The following LARGE1 variants were observed in gnomAD, a reference collection of about 807,000 sequenced individuals.
LARGE1 encodes LARGE xylosyl- and glucuronyltransferase 1.
A neutral mutation model predicts 87.6 loss-of-function variants in LARGE1; 43 were observed. The observed-to-expected ratio is 0.49, with a 90% CI of 0.38 to 0.63. The LOEUF (loss-of-function observed/expected upper bound fraction) is 0.63. LARGE1 is among the 30% of genes least tolerant of loss of function. The pLI is 0.00. For synonymous variants in LARGE1, 434 were observed against 394.6 expected (o/e 1.10, Z -1.18); for missense variants, 802 against 1,000.2 (o/e 0.80, Z 2.67).
intron 7 of LARGE1, among the ~76,000 whole-genome samples, chr22:33,405,393 T>C (rs2267199): frequency 0.096 from 14,610 of 152,234 alleles, 811 homozygotes; most frequent in Admixed American, 0.2. Flanking sequence ...TCTGGCCAAG[T>C]GTGTGGCTGG....
chr22:33,185,390 A>C (rs888151763), intron 11 of LARGE1, among the ~76,000 whole-genome samples: 1 of 152,174 alleles, frequency 6.6e-6, no homozygotes, highest in Non-Finnish European at 1.5e-5. Context: ...GTGTTTGCCA[A>C]GGATTAAGGT....
At chr22:33,688,589 C>A (rs2082008875) in intron 2 of LARGE1, among the ~76,000 whole-genome samples, 2 of 152,088 alleles carry the variant, frequency 1.3e-5, no homozygotes, top group South Asian at 2.1e-4. Context: ...AACCTCAGGT[C>A]ATCTGCCTGC....
chr22:33,636,405 T>G (rs369612076), intron 3 of LARGE1, among the ~76,000 whole-genome samples: 2 of 152,212 alleles, frequency 1.3e-5, no homozygotes, highest in African/African-American at 4.8e-5. Context: ...TTCTTGTTTT[T>G]AGAATGTGCC....
At chr22:33,714,748 A>T (rs2082860925) in intron 2 of LARGE1, among the ~76,000 whole-genome samples, 1 of 152,120 alleles carries the variant, frequency 6.6e-6, no homozygotes. Flanking sequence ...AAGAACAGCA[A>T]CCACACGCAG....
chr22:33,510,776 A>G (rs959377244), intron 6 of LARGE1, among the ~76,000 whole-genome samples: 2 of 152,132 alleles, frequency 1.3e-5, no homozygotes, highest in African/African-American at 4.8e-5. Context: ...TTGTTGAGAC[A>G]GAGTTTCACT....
chr22:33,782,668 C>T (rs1412675345), intron 1 of LARGE1, among the ~76,000 whole-genome samples: 1 of 151,960 alleles, frequency 6.6e-6, no homozygotes, highest in Non-Finnish European at 1.5e-5. Context: ...AGATCAAGAC[C>T]ATCCTGGCCA....
the LARGE1 span, among the ~76,000 whole-genome samples, chr22:33,088,653 A>C: frequency 6.6e-6 from 1 of 152,194 alleles, no homozygotes; most frequent in Non-Finnish European, 1.5e-5. Flanking sequence ...AATCAGTTGC[A>C]CACAAAATCC....
At chr22:33,358,899 G>A (rs1343198156) in intron 9 of LARGE1, among the ~76,000 whole-genome samples, 2 of 151,996 alleles carry the variant, frequency 1.3e-5, no homozygotes, top group African/African-American at 4.8e-5. Flanking sequence ...TCGGGAGGCT[G>A]AGGCAGGAGA....
chr22:33,863,956 T>C (rs1048928144), intron 1 of LARGE1, among the ~76,000 whole-genome samples: 1 of 152,226 alleles, frequency 6.6e-6, no homozygotes, highest in African/African-American at 2.4e-5. Flanking sequence ...CATCTGTTAA[T>C]CTGGCCTAAC....
intron 14 of LARGE1, among the ~76,000 whole-genome samples, chr22:33,276,729 T>C (rs1272671134): frequency 2.0e-5 from 3 of 152,270 alleles, no homozygotes; most frequent in African/African-American, 7.2e-5. Context: ...GGATGCTTCG[T>C]GTCTGTTACG....
upstream of LARGE1, among the ~76,000 whole-genome samples, chr22:33,920,856 G>C (rs1170016118): frequency 1.4e-5 from 2 of 145,516 alleles, no homozygotes; most frequent in Non-Finnish European, 3.1e-5. Flanking sequence ...GCCGCTGGCC[G>C]GAGCCGGCGC....
chr22:33,400,605 G>T (rs1428967922), intron 7 of LARGE1, among the ~76,000 whole-genome samples: 1 of 152,226 alleles, frequency 6.6e-6, no homozygotes, highest in Non-Finnish European at 1.5e-5. Context: ...CCCCAGAAGG[G>T]AGAGATGGCG....
At chr22:33,652,582 T>A (rs572787150) in intron 2 of LARGE1, among the ~76,000 whole-genome samples, 128 of 152,190 alleles carry the variant, frequency 8.4e-4, no homozygotes, top group African/African-American at 2.6e-3. Context: ...AAAGCATATC[T>A]CTAGAAAATC....
At chr22:33,146,667 A>G in the LARGE1 span, among the ~76,000 whole-genome samples, 1 of 152,158 alleles carries the variant, frequency 6.6e-6, no homozygotes, top group Non-Finnish European at 1.5e-5. Flanking sequence ...CAATCCTTGC[A>G]GACTTCCCTG....
chr22:33,879,513 C>G (rs1201991826), intron 1 of LARGE1, among the ~76,000 whole-genome samples: 1 of 152,200 alleles, frequency 6.6e-6, no homozygotes, highest in East Asian at 1.9e-4. Context: ...ATCTAGTCTT[C>G]CCACTTAACA....
the LARGE1 span, among the ~76,000 whole-genome samples, chr22:33,080,303 T>C: frequency 1.5e-4 from 23 of 152,346 alleles, no homozygotes; most frequent in African/African-American, 4.3e-4. Flanking sequence ...TTGTCAAGCT[T>C]AGCTAGGTTA....
intron 7 of LARGE1, among the ~76,000 whole-genome samples, chr22:33,409,306 G>C (rs1229010041): frequency 6.6e-6 from 1 of 152,112 alleles, no homozygotes; most frequent in African/African-American, 2.4e-5. Flanking sequence ...GGAGGAGGAG[G>C]CTGGTCTCTT....
intron 3 of LARGE1, among the ~76,000 whole-genome samples, chr22:33,641,104 C>T (rs1156925948): frequency 6.6e-6 from 1 of 152,182 alleles, no homozygotes; most frequent in African/African-American, 2.4e-5. Flanking sequence ...GGGTCCCTGA[C>T]TCCTGTGCCT....
At chr22:33,269,034 A>T, downstream of LARGE1, among the ~76,000 whole-genome samples, 1 of 152,180 alleles carries the variant, frequency 6.6e-6, no homozygotes, top group East Asian at 1.9e-4. Context: ...TGAACTAACA[A>T]AACAACTTCT....
Sources: allele counts gnomAD v4.1 joint callset (sites outside exome capture counted in the v4.1 genomes callset), GRCh38; gene constraint gnomAD v4.1.1; transcripts MANE v1.5; gene names NCBI Gene and HGNC (gene_info 2026-07-23, HGNC 2026-07-21).